SIM2: variants seen among roughly 807,000 people sequenced by gnomAD.
SIM2 encodes the protein single-minded homolog 2.
SIM2 carries 28 observed loss-of-function variants against 64.8 expected under a neutral mutation model. That is an observed-to-expected ratio of 0.43 (90% CI 0.32 to 0.59). SIM2 has a LOEUF of 0.59. Among genes scored for constraint, SIM2 ranks in the 20% least tolerant of loss-of-function variants. SIM2 has a pLI of 0.07. For missense variants in SIM2, 847 were observed against 871.4 expected (o/e 0.97, Z 0.35); for synonymous variants, 408 against 391.1 (o/e 1.04, Z -0.51).
intron 3 of SIM2, among the ~76,000 whole-genome samples, chr21:36,716,798 G>A (rs1465743069): frequency 6.6e-6 from 1 of 151,978 alleles, no homozygotes; most frequent in Non-Finnish European, 1.5e-5. Flanking sequence ...AATATCACAT[G>A]GAAGGTCTGT....
chr21:36,745,845 T>G lies in SIM2; in HGVS notation c.1576+709T>G, dbSNP rs1375132819. The G allele has an allele frequency of 2.3e-6, 3 of 1,303,806 alleles. No homozygotes were observed. The highest frequency in any genetic ancestry group is 2.3e-5 in the Admixed American group (1 of 43,566). 80.8% of individuals were successfully genotyped at this position (1,303,806 alleles called of 1,614,324 possible). ...ACCGCCAGCTCCCCAGGACGCAGAC[T>G]GACTCCTGTTTGCTCGCTGGACCAA... On this transcript the variant is annotated intron_variant, in intron 10 of 10. Transcript: ENST00000290399. This position sits in a 1 kb window ranked among gnomAD's most constrained non-coding sequence, Gnocchi z 4.8.
chr21:36,729,809 G>A (rs758033780), intron 6 of SIM2, among the ~76,000 whole-genome samples: 3 of 152,274 alleles, frequency 2.0e-5, no homozygotes, highest in Non-Finnish European at 2.9e-5. Context: ...GGAAACCATC[G>A]TTGCCACGTG....
rs542904840 is a variant in SIM2 at position 36,745,718 on chromosome 21, C to T, written c.1576+582C>T. The T allele has an allele frequency of 6.0e-5, 76 of 1,268,380 alleles. No homozygotes were observed. Among genetic ancestry groups the T allele is most frequent in the Non-Finnish European group, 7.5e-5 (72 of 962,088 alleles). The allele number at this position is 1,268,380 out of a possible 1,614,324, so 78.6% of individuals were successfully genotyped here. ...TGTGATGTGCCTACTCCCAAGGACACGACACACAGTAGGGACCTGCCCTGT... is the reference window on the plus strand; with the variant it reads ...TGTGATGTGCCTACTCCCAAGGACATGACACACAGTAGGGACCTGCCCTGT... On this transcript the variant is annotated intron_variant, in intron 10 of 10. Transcript: ENST00000290399. This position sits in a 1 kb window ranked among gnomAD's most constrained non-coding sequence, Gnocchi z 4.8.
chr21:36,704,961 C>G (rs774559895), intron 1 of SIM2, among the ~76,000 whole-genome samples: 6 of 152,202 alleles, frequency 3.9e-5, no homozygotes, highest in Non-Finnish European at 4.4e-5. Flanking sequence ...GCAGAGGCGC[C>G]CCAAATTGCG....
At chr21:36,741,970 CATTT>C in intron 8 of SIM2, 106 bp downstream of exon 8, 3 of 1,132,138 alleles carry the variant, frequency 2.6e-6, no homozygotes, top group Non-Finnish European at 3.6e-6. Context: ...TCAAACTGTT[CATTT>C]GTCTTCTGTT....
intron 7 of SIM2, among the ~76,000 whole-genome samples, chr21:36,741,361 C>T (rs1315592462): frequency 6.6e-6 from 1 of 152,190 alleles, no homozygotes; most frequent in Non-Finnish European, 1.5e-5. Context: ...GGGATTAAAA[C>T]ATAATTGTGG....
chr21:36,746,089 G>A (rs1302524882), intron 10 of SIM2: 2 of 766,620 alleles, frequency 2.6e-6, no homozygotes, highest in East Asian at 1.5e-4. Flanking sequence ...GCCAAGGTGG[G>A]CGGATCACCT....
At chr21:36,722,700 G>A (rs903263816) in intron 4 of SIM2, among the ~76,000 whole-genome samples, 2 of 152,208 alleles carry the variant, frequency 1.3e-5, no homozygotes, top group African/African-American at 2.4e-5. Context: ...CTCAAGTCCT[G>A]CTACCCTGAG....
chr21:36,737,961 C>CAAAA (rs61252184), intron 7 of SIM2, among the ~76,000 whole-genome samples: 478 of 34,114 alleles, frequency 0.014, 49 homozygotes, highest in Non-Finnish European at 0.02. Context: ...GACCCTGTCT[C>CAAAA]AAAAAAAAAA....
intron 2 of SIM2, 167 bp downstream of exon 2, chr21:36,709,417 G>A: frequency 1.4e-6 from 1 of 715,820 alleles, no homozygotes. Context: ...CGCTTAGCAT[G>A]TCGGATGCGG....
intron 1 of SIM2, 100 bp downstream of exon 1, chr21:36,700,021 T>A: frequency 7.8e-7 from 1 of 1,276,344 alleles, no homozygotes; most frequent in Non-Finnish European, 1.1e-6. Flanking sequence ...TGCCGCGGCC[T>A]GGCGTCCAGA....
intron 4 of SIM2, among the ~76,000 whole-genome samples, chr21:36,721,095 C>T (rs951254125): frequency 1.3e-5 from 2 of 152,182 alleles, no homozygotes; most frequent in South Asian, 2.1e-4. Flanking sequence ...AAATCCCTTG[C>T]AGACAGTTCT....
In SIM2 at chr21:36,747,519, C is replaced by G. The variant is rs1355150620; in HGVS notation, c.1577-146C>G. ...GCGTCCTGAGATTGGACAGCACGGC[C>G]TAGACTAAGGCGGGGGAGGGCGACA... is the stretch of plus-strand genomic sequence containing the variant. On this transcript the variant is annotated intron_variant, in intron 10 of 10. Transcript: ENST00000290399. The surrounding 1 kb of genome is among the most constrained non-coding windows in gnomAD (Gnocchi z 4.5). 5 of 415,262 alleles carry G rather than the reference C, an allele frequency of 1.2e-5. No individual in the cohort carries two copies. The South Asian group carries it at 5.9e-4, about 49-fold the overall frequency. The allele number at this position is 415,262 out of a possible 1,614,324, so 25.7% of individuals were successfully genotyped here. A position where few individuals can be genotyped will look rare whatever the true frequency, so the allele number is the denominator to read the frequency against.
At chr21:36,702,213 G>A (rs1231383563) in intron 1 of SIM2, among the ~76,000 whole-genome samples, 2 of 152,226 alleles carry the variant, frequency 1.3e-5, no homozygotes, top group East Asian at 3.8e-4. Context: ...TGGGGGTCAG[G>A]CCTTGAGCAG....
chr21:36,728,729 C>G (rs1234297498), intron 6 of SIM2, among the ~76,000 whole-genome samples: 1 of 152,222 alleles, frequency 6.6e-6, no homozygotes, highest in Non-Finnish European at 1.5e-5. Context: ...TGGCCCAGCC[C>G]TGGGAGGACA....
intron 7 of SIM2, among the ~76,000 whole-genome samples, chr21:36,739,249 G>C (rs1338900671): frequency 6.6e-6 from 1 of 152,222 alleles, no homozygotes; most frequent in Non-Finnish European, 1.5e-5. Flanking sequence ...ACCATATGAA[G>C]TAAGGACTGA....
rs1217416483 is a variant in SIM2 at position 36,699,434 on chromosome 21, G to A, written c.-313G>A. 3 of 193,764 alleles carry A rather than the reference G, an allele frequency of 1.5e-5. No individual in the cohort carries two copies. Among genetic ancestry groups the A allele is most frequent in the Middle Eastern group, 2.0e-3 (1 of 508 alleles). 12.0% of individuals were successfully genotyped at this position (193,764 alleles called of 1,614,324 possible). A position where few individuals can be genotyped will look rare whatever the true frequency, so the allele number is the denominator to read the frequency against. ...CGCCCCCACCCCCCAGGAAGGCCGA[G>A]GCAGGAGAGGCAGGAGGGAGGAAAC... On this transcript the variant is annotated 5_prime_UTR_variant, in exon 1 of 11. Coordinates refer to ENST00000290399, the MANE Select transcript of SIM2 (RefSeq NM_005069.6). This position sits in a 1 kb window ranked among gnomAD's most constrained non-coding sequence, Gnocchi z 5.6.
intron 4 of SIM2, among the ~76,000 whole-genome samples, chr21:36,721,397 G>A (rs891926565): frequency 6.6e-6 from 1 of 152,206 alleles, no homozygotes; most frequent in Non-Finnish European, 1.5e-5. Flanking sequence ...GCAGAACATA[G>A]TGCTGTTACT....
rs1016062774 is a variant in SIM2 at position 36,747,705 on chromosome 21, G to T, written c.1617G>T (p.Ala539=). 5.5e-6 allele frequency: 7 copies of T among 1,281,240 alleles called. No individual in the cohort carries two copies. The highest frequency in any genetic ancestry group is 6.9e-6 in the Non-Finnish European group (7 of 1,012,094). 79.4% of individuals were successfully genotyped at this position (1,281,240 alleles called of 1,614,324 possible). ...TGCGCAGGTTCGGCGAGGACACCGCGCCCCCGAGCTTCCCGAGCTGCGGCC... is the reference window on the plus strand; with the variant it reads ...TGCGCAGGTTCGGCGAGGACACCGCTCCCCCGAGCTTCCCGAGCTGCGGCC... ...AAVRRFGEDT[A]PPSFPSCGHY... Residue 539 remains alanine (A), a synonymous_variant, in exon 11 of 11, where the codon GCG becomes GCT. Transcript: ENST00000290399. This position sits in a 1 kb window ranked among gnomAD's most constrained non-coding sequence, Gnocchi z 4.5.
Sources: allele counts gnomAD v4.1 joint callset (sites outside exome capture counted in the v4.1 genomes callset), GRCh38; gene constraint gnomAD v4.1.1; non-coding constraint Gnocchi (gnomAD v3.1); transcripts MANE v1.5; gene names NCBI Gene and HGNC (gene_info 2026-07-23, HGNC 2026-07-21).